KLRD1: variants seen among roughly 807,000 people sequenced by gnomAD.
The protein encoded by KLRD1 is natural killer cells antigen CD94.
KLRD1 carries 21 observed loss-of-function variants against 22.6 expected under a neutral mutation model. The ratio of observed to expected loss-of-function variants is 0.93; its 90% CI spans 0.66 to 1.34. KLRD1 has a LOEUF of 1.34. Among genes scored for constraint, KLRD1 ranks in the 40% most tolerant of loss-of-function variants. KLRD1 has a pLI of 0.00. For missense variants in KLRD1, 183 were observed against 208.6 expected, an observed-to-expected ratio of 0.88 and a Z score of 0.76; for synonymous variants, 59 against 71.1, an observed-to-expected ratio of 0.83 and a Z score of 0.85.
In KLRD1 at chr12:10,328,497, C is replaced by T. The variant is rs955049480; in HGVS notation, c.*13704C>T. 1 of 152,036 alleles carries T rather than the reference C, an allele frequency of 6.6e-6. No homozygotes were observed. The highest frequency in any genetic ancestry group is 2.4e-5 in the African/African-American group (1 of 41,400). The allele number at this position is 152,036 out of a possible 1,614,324, so 9.4% of individuals were successfully genotyped here. A position where few individuals can be genotyped will look rare whatever the true frequency, so the allele number is the denominator to read the frequency against. The stretch of plus-strand genomic sequence containing the variant: ...TTTTATATTTCTGTGGCATCAGTTG[C>T]AATGTCTTATTTCTGATTTCATTTA... On this transcript the variant is annotated 3_prime_UTR_variant, in exon 6 of 6. Coordinates refer to ENST00000336164, the MANE Select transcript of KLRD1 (RefSeq NM_002262.5).
At chr12:10,243,859 A>C (rs754893801) in intron 1 of KLRD1, among the ~76,000 whole-genome samples, 41 of 152,122 alleles carry the variant, frequency 2.7e-4, no homozygotes, top group Non-Finnish European at 2.1e-4. Context: ...TTGATTTAAA[A>C]ATACAATGAT....
rs1950306110 is a variant in KLRD1, at chr12:10,320,898, A to G, written c.*6105A>G. 6.6e-6 allele frequency: 1 copy of G among 152,222 alleles called. No individual in the cohort carries two copies. Among genetic ancestry groups the G allele is most frequent in the Non-Finnish European group, 1.5e-5 (1 of 68,026 alleles). The allele number at this position is 152,222 out of a possible 1,614,324, so 9.4% of individuals were successfully genotyped here. A position where few individuals can be genotyped will look rare whatever the true frequency, so the allele number is the denominator to read the frequency against. ...AGGTATCTCAGCAGAAGCTCCAGGT[A>G]GAGAGAAGATTGAAGAGATTTATGT... On this transcript the variant is annotated 3_prime_UTR_variant, in exon 6 of 6. Transcript: ENST00000336164.
chr12:10,302,724 T>C (rs965817007), upstream of KLRD1, among the ~76,000 whole-genome samples: 2 of 151,802 alleles, frequency 1.3e-5, no homozygotes, highest in Non-Finnish European at 2.9e-5. Flanking sequence ...ACAGGATTAG[T>C]TGAGTCATAA....
chr12:10,251,404 T>A (rs1222433130), intron 1 of KLRD1, among the ~76,000 whole-genome samples: 2 of 152,060 alleles, frequency 1.3e-5, no homozygotes, highest in East Asian at 3.9e-4. Context: ...GGATTACAGG[T>A]ATGAGCCACC....
At position 10,239,023 on chromosome 12, in the gene KLRD1, C is replaced by T. The variant is rs184396249; in HGVS notation, c.-101+12790C>T. Among the ~76,000 whole-genome samples, 438 of 150,630 alleles carry T rather than the reference C, an allele frequency of 2.9e-3. 4 individuals are homozygous for T. Among genetic ancestry groups the T allele is most frequent in the Admixed American group, 5.6e-3 (85 of 15,268 alleles). ...TATTGTTATTAAGATGTTCGAAAAG[C>T]TCAAGAATTCTAAAAAGCCAGAATG... is the stretch of plus-strand genomic sequence containing the variant. On this transcript the variant is annotated intron_variant, in intron 1 of 5. Coordinates refer to the KLRD1 transcript ENST00000544747.
At chr12:10,298,575 G>A (rs1949841338) in intron 1 of KLRD1, among the ~76,000 whole-genome samples, 1 of 152,228 alleles carries the variant, frequency 6.6e-6, no homozygotes, top group Admixed American at 6.5e-5. Context: ...TGATGGCCTT[G>A]ACGCCTATGC....
intron 1 of KLRD1, among the ~76,000 whole-genome samples, chr12:10,242,335 A>G (rs1003810732): frequency 1.3e-5 from 2 of 152,070 alleles, no homozygotes; most frequent in African/African-American, 4.8e-5. Flanking sequence ...AACAAATATT[A>G]ACAAAACACA....
At chr12:10,284,459 A>G (rs185587317) in intron 1 of KLRD1, among the ~76,000 whole-genome samples, 2 of 152,308 alleles carry the variant, frequency 1.3e-5, no homozygotes, top group African/African-American at 4.8e-5. Flanking sequence ...GCTAAAAACC[A>G]AATCTCTGTA....
At chr12:10,300,730 C>A (rs1949859512), upstream of KLRD1, among the ~76,000 whole-genome samples, 1 of 152,240 alleles carries the variant, frequency 6.6e-6, no homozygotes, top group African/African-American at 2.4e-5. Context: ...TAGATGGCAT[C>A]TTCTTTCAAT....
chr12:10,305,613 C>T (rs569778638), upstream of KLRD1, among the ~76,000 whole-genome samples: 1 of 152,260 alleles, frequency 6.6e-6, no homozygotes, highest in Admixed American at 6.5e-5. Context: ...TCACAAGATT[C>T]GTTTGTTGAC....
intron 1 of KLRD1, among the ~76,000 whole-genome samples, chr12:10,277,608 C>T (rs2537793): frequency 0.12 from 18,383 of 151,978 alleles, 1,804 homozygotes; most frequent in African/African-American, 0.26. Flanking sequence ...TTTTTTACTT[C>T]ACTTATTTCT....
chr12:10,313,350 T>G, intron 4 of KLRD1, 60 bp from the exon 5 acceptor site: 1 of 979,438 alleles, frequency 1.0e-6, no homozygotes, highest in East Asian at 2.6e-5. Flanking sequence ...TCCCTCAAAA[T>G]ATGTTATTCC....
chr12:10,271,185 G>C (rs1949546976), intron 1 of KLRD1, among the ~76,000 whole-genome samples: 1 of 151,982 alleles, frequency 6.6e-6, no homozygotes, highest in East Asian at 1.9e-4. Flanking sequence ...GGCCAGACAG[G>C]TATTCTGTGA....
chr12:10,245,606 T>C (rs1949283409), intron 1 of KLRD1, among the ~76,000 whole-genome samples: 1 of 152,186 alleles, frequency 6.6e-6, no homozygotes, highest in South Asian at 2.1e-4. Flanking sequence ...ATTGATTATT[T>C]AATCATTAAT....
In KLRD1 at chr12:10,323,534, T is replaced by C. The variant is rs1045155583; in HGVS notation, c.*8741T>C. On this transcript the variant is annotated 3_prime_UTR_variant, in exon 6 of 6. Coordinates refer to ENST00000336164, the MANE Select transcript of KLRD1 (RefSeq NM_002262.5). ...CGCTGTTGCAGTATAATTGAGATAC[T>C]TTAAGCATACTTTATATGCTTAAAG... 2 of 152,154 alleles carry C rather than the reference T, an allele frequency of 1.3e-5. No homozygotes were observed. Among genetic ancestry groups the C allele is most frequent in the Admixed American group, 6.6e-5 (1 of 15,266 alleles). 9.4% of individuals were successfully genotyped at this position (152,154 alleles called of 1,614,324 possible).
Position 10,327,098 on chromosome 12 carries a change from A to G in KLRD1, c.*12305A>G, listed in dbSNP as rs944097672. The G allele has an allele frequency of 2.0e-5, 3 of 152,204 alleles. No individual in the cohort carries two copies. Among genetic ancestry groups the G allele is most frequent in the African/African-American group, 7.2e-5 (3 of 41,458 alleles). 9.4% of individuals were successfully genotyped at this position (152,204 alleles called of 1,614,324 possible). On this transcript the variant is annotated 3_prime_UTR_variant, in exon 6 of 6. Transcript: ENST00000336164. Reference sequence around the variant, plus strand: ...TTTATTTTTGCATATGGTGTAAGATAAGCAATTTCTTTGCAATATGGATGT... The same window carrying G: ...TTTATTTTTGCATATGGTGTAAGATGAGCAATTTCTTTGCAATATGGATGT...
chr12:10,246,744 G>T (rs1313960542), intron 1 of KLRD1, among the ~76,000 whole-genome samples: 1 of 151,960 alleles, frequency 6.6e-6, no homozygotes, highest in Non-Finnish European at 1.5e-5. Context: ...TTGTTTTTTA[G>T]GATGGTTGAT....
intron 1 of KLRD1, among the ~76,000 whole-genome samples, chr12:10,244,480 A>G (rs904587764): frequency 2.6e-5 from 4 of 152,188 alleles, no homozygotes. Flanking sequence ...CAATAAACTC[A>G]GTTATTGTTA....
At position 10,265,470 on chromosome 12, in the gene KLRD1, C is replaced by T. The variant is rs1485893382; in HGVS notation, c.-101+39237C>T. Among the ~76,000 whole-genome samples the T allele has an allele frequency of 2.6e-5, 4 of 152,246 alleles. No homozygotes were observed. In the East Asian group the frequency reaches 5.8e-4, roughly 22 times the overall value. On this transcript the variant is annotated intron_variant, in intron 1 of 5. Transcript: ENST00000544747. The stretch of plus-strand genomic sequence containing the variant: ...AGGAGTATCCATTAGAATCTTAGGC[C>T]ATACGGTGGGGCGCGATGGCTCACG...
Sources: gnomAD v4.1 joint callset for allele counts (sites outside exome capture counted in the v4.1 genomes callset) on GRCh38, gnomAD v4.1.1 for gene constraint, MANE v1.5 for transcripts, NCBI Gene and HGNC (gene_info 2026-07-23, HGNC 2026-07-21) for gene names.